The following AFG2A variants were observed in gnomAD, a reference collection of about 807,000 sequenced individuals.
AFG2A encodes AAA ATPase AFG2A, also known as ATPase family gene 2 protein homolog A.
the AFG2A span, among the ~76,000 whole-genome samples, chr4:123,253,080 C>T: frequency 4.9e-3 from 742 of 152,322 alleles, 5 homozygotes; most frequent in Middle Eastern, 0.017. Flanking sequence ...TGACTCACAC[C>T]TGTAATCTCA....
At chr4:123,168,532 C>T in the AFG2A span, among the ~76,000 whole-genome samples, 1 of 152,030 alleles carries the variant, frequency 6.6e-6, no homozygotes, top group African/African-American at 2.4e-5. Flanking sequence ...TGCCTTTTCT[C>T]CTGGACAGAG....
the AFG2A span, among the ~76,000 whole-genome samples, chr4:123,022,995 T>G: frequency 7.9e-6 from 1 of 126,010 alleles, no homozygotes; most frequent in Non-Finnish European, 1.6e-5. Flanking sequence ...TGAGAACACA[T>G]GGACACAGGA....
chr4:123,180,124 G>A, the AFG2A span, among the ~76,000 whole-genome samples: 1 of 152,052 alleles, frequency 6.6e-6, no homozygotes, highest in South Asian at 2.1e-4. Context: ...GCAGAGTGAG[G>A]CACGAGAATC....
At chr4:123,127,707 A>G in the AFG2A span, among the ~76,000 whole-genome samples, 2 of 152,092 alleles carry the variant, frequency 1.3e-5, no homozygotes, top group Non-Finnish European at 2.9e-5. Flanking sequence ...TAATTAGGCT[A>G]TTTTTTATTC....
chr4:123,309,511 A>T, the AFG2A span, among the ~76,000 whole-genome samples: 3 of 152,250 alleles, frequency 2.0e-5, no homozygotes, highest in African/African-American at 7.2e-5. Flanking sequence ...TTAAGTTTCA[A>T]CATATACATT....
the AFG2A span, among the ~76,000 whole-genome samples, chr4:123,214,661 A>G: frequency 6.6e-6 from 1 of 152,072 alleles, no homozygotes; most frequent in Non-Finnish European, 1.5e-5. Context: ...AACATGAAAT[A>G]TACACAAATC....
At chr4:122,939,115 C>A in the AFG2A span, among the ~76,000 whole-genome samples, 6 of 95,590 alleles carry the variant, frequency 6.3e-5, no homozygotes, top group South Asian at 4.1e-4. Flanking sequence ...GACAGAGTTT[C>A]GCTCTTGTTG....
chr4:123,317,236 A>AAC, the AFG2A span: 1 of 151,992 alleles, frequency 6.6e-6, no homozygotes, highest in Non-Finnish European at 1.5e-5. Flanking sequence ...AAAAAAAAAA[A>AAC]AAAAAAACCT....
chr4:123,243,795 G>T, the AFG2A span, among the ~76,000 whole-genome samples: 1 of 89,818 alleles, frequency 1.1e-5, no homozygotes, highest in African/African-American at 3.3e-5. Context: ...TGAGCAGGAG[G>T]ATCACTTGAG....
the AFG2A span, among the ~76,000 whole-genome samples, chr4:122,982,777 C>T: frequency 6.6e-6 from 1 of 150,932 alleles, no homozygotes; most frequent in Non-Finnish European, 1.5e-5. Context: ...TGTAATTGTT[C>T]ATATTAGTCT....
the AFG2A span, among the ~76,000 whole-genome samples, chr4:123,227,659 G>T: frequency 3.0e-4 from 45 of 152,214 alleles, no homozygotes; most frequent in South Asian, 6.9e-3. Context: ...AATAGGTATG[G>T]TGTGGTGCTG....
the AFG2A span, among the ~76,000 whole-genome samples, chr4:123,239,940 G>A: frequency 2.6e-5 from 4 of 152,090 alleles, no homozygotes; most frequent in Non-Finnish European, 5.9e-5. Flanking sequence ...CCCATCTCAT[G>A]TACAGAGACA....
chr4:123,106,772 C>T, the AFG2A span, among the ~76,000 whole-genome samples: 2 of 152,228 alleles, frequency 1.3e-5, no homozygotes, highest in Non-Finnish European at 2.9e-5. Flanking sequence ...GAGTACTGCT[C>T]GCACCCACTG....
chr4:123,198,503 A>T, the AFG2A span, among the ~76,000 whole-genome samples: 1 of 152,156 alleles, frequency 6.6e-6, no homozygotes, highest in South Asian at 2.1e-4. Context: ...GTTTGAAGGG[A>T]TCTTGCCAGC....
the AFG2A span, among the ~76,000 whole-genome samples, chr4:123,156,530 T>A: frequency 6.6e-6 from 1 of 152,000 alleles, no homozygotes; most frequent in African/African-American, 2.4e-5. Flanking sequence ...TAGAAAATAA[T>A]CCCTTTAGCA....
chr4:123,045,528 G>A, the AFG2A span, among the ~76,000 whole-genome samples: 2 of 152,208 alleles, frequency 1.3e-5, no homozygotes, highest in African/African-American at 4.8e-5. Context: ...TAGTGACCTT[G>A]ACATTTTTGT....
the AFG2A span, among the ~76,000 whole-genome samples, chr4:123,188,550 A>G: frequency 6.6e-6 from 1 of 152,194 alleles, no homozygotes; most frequent in East Asian, 1.9e-4. Context: ...TGATTAGACT[A>G]CACTTGTTTT....
the AFG2A span, among the ~76,000 whole-genome samples, chr4:123,010,296 T>G: frequency 2.0e-5 from 3 of 152,244 alleles, no homozygotes; most frequent in Non-Finnish European, 4.4e-5. Context: ...TTTAGGAAGC[T>G]ATACTTGACT....
the AFG2A span, among the ~76,000 whole-genome samples, chr4:123,005,808 T>G: frequency 1.3e-5 from 2 of 152,230 alleles, no homozygotes; most frequent in East Asian, 3.8e-4. Flanking sequence ...AACAATATAT[T>G]TCTATTGTTC....
Sources: allele counts gnomAD v4.1 joint callset (sites outside exome capture counted in the v4.1 genomes callset), GRCh38; gene constraint gnomAD v4.1.1; transcripts MANE v1.5; gene names NCBI Gene and HGNC (gene_info 2026-07-23, HGNC 2026-07-21).